The following TBX19 variants were observed in gnomAD, a reference collection of about 807,000 sequenced individuals.
The protein encoded by TBX19 is T-box transcription factor 19.
Under a neutral mutation model 40.9 loss-of-function variants are expected in TBX19, and 33 were observed. The observed-to-expected ratio is 0.81, with a 90% confidence interval of 0.61 to 1.08. The LOEUF (loss-of-function observed/expected upper bound fraction) is 1.08, where lower values mean the gene tolerates loss of function less well. Ranked by LOEUF, TBX19 falls within the 50% of genes least tolerant of loss-of-function variation. TBX19 has a pLI of 0.00. For missense variants in TBX19, 494 were observed against 574.0 expected, an observed-to-expected ratio of 0.86 and a Z score of 1.42; for synonymous variants, 220 against 225.0, an observed-to-expected ratio of 0.98 and a Z score of 0.20.
At chr1:168,304,896 TG>T in intron 5 of TBX19, 111 bp from the exon 6 acceptor site, 1 of 1,083,702 alleles carries the variant, frequency 9.2e-7, no homozygotes, top group South Asian at 1.3e-5. Flanking sequence ...TCACACAGGC[TG>T]GCATCAGTGT....
At position 168,281,244 on chromosome 1, in the gene TBX19, CAG is replaced by C. The variant is rs763818059; in HGVS notation, c.158_159del (p.Arg53IlefsTer6). 3.2e-5 allele frequency: 51 copies of C among 1,614,000 alleles called. No homozygotes were observed. The highest frequency in any genetic ancestry group is 4.2e-5 in the Non-Finnish European group (50 of 1,180,006). On this transcript the variant is annotated frameshift_variant, in exon 1 of 8. Transcript: ENST00000367821. LOFTEE classifies it high-confidence loss of function. The stretch of plus-strand genomic sequence containing the variant: ...CATCCTGGAGGATGCACCTCTCTGG[CAG>C]AGATTCAAGGAAGTCACTAATGAGA... ...QIILEDAPLW[Q>X]RFKEVTNEMI...
rs1346547873 is a variant in TBX19 at position 168,312,731 on chromosome 1, T to C, written c.1076T>C (p.Ile359Thr). The C allele has an allele frequency of 6.2e-7, 1 of 1,613,784 alleles. No individual in the cohort carries two copies. Residue 359 changes from isoleucine to threonine, a missense_variant, in exon 8 of 8, where the codon ATC (isoleucine) becomes ACC (threonine). This residue lies in a region of TBX19 where 284 missense variants were observed against 307.3 expected (regional missense o/e 0.92). Transcript: ENST00000367821. ...AGCCCCTACCCGTGCCTGTGGACCATCAGCAATGGTGCCGGAGGCCCCAGT... is the reference window on the plus strand; with the variant it reads ...AGCCCCTACCCGTGCCTGTGGACCACCAGCAATGGTGCCGGAGGCCCCAGT... ...GPSPYPCLWT[I>T]SNGAGGPSGP...
rs1558196515 is a variant in TBX19, at chr1:168,312,778, G to GCCAGCACC, written c.1128_1135dup (p.Gly379AlafsTer13). ...CAGTGGGCCAGGCCCGGAGGTGCAC[G>GCCAGCACC]CCAGCACCCCAGGAGCATTTCTCCT... On this transcript the variant is annotated frameshift_variant, in exon 8 of 8. Transcript: ENST00000367821. LOFTEE classifies it high-confidence loss of function. 2 of 1,614,208 alleles carry GCCAGCACC rather than the reference G, an allele frequency of 1.2e-6. No homozygotes were observed. Among genetic ancestry groups the GCCAGCACC allele is most frequent in the Non-Finnish European group, 1.7e-6 (2 of 1,180,038 alleles).
rs753523312 is a variant in TBX19, at chr1:168,312,833, C to T, written c.1178C>T (p.Ser393Phe). The change falls in exon 8 of 8, where the codon TCT (serine) becomes TTT (phenylalanine). Residue 393 changes from serine (S) to phenylalanine (F), a missense_variant. Physicochemically the swap from Ser to Phe is radical, Grantham distance 155. This residue lies in a region of TBX19 where 284 missense variants were observed against 307.3 expected (regional missense o/e 0.92). Coordinates refer to ENST00000367821, the MANE Select transcript of TBX19 (RefSeq NM_005149.3). ...AACCCAGCTGTGACTTCACCCCCTT[C>T]TGTGCTCTCCACCCAAGCACCCACT... Reference protein sequence around the residue: ...LGNPAVTSPPSVLSTQAPTSA... With the variant: ...LGNPAVTSPPFVLSTQAPTSA... 3 of 1,614,286 alleles carry T rather than the reference C, an allele frequency of 1.9e-6. No homozygotes were observed. The South Asian group carries it at 3.3e-5, about 18-fold the overall frequency.
Position 168,285,779 on chromosome 1 carries a change from G to GA in TBX19, c.203+4493dup, listed in dbSNP as rs1400247243. Among the ~76,000 whole-genome samples the GA allele has an allele frequency of 3.3e-5, 5 of 152,308 alleles. No homozygotes were observed. The East Asian group carries it at 9.6e-4, about 29-fold the overall frequency. On this transcript the variant is annotated intron_variant, in intron 1 of 7. Coordinates refer to ENST00000367821, the MANE Select transcript of TBX19 (RefSeq NM_005149.3). ...TAGCTACATCTAGGAAAAAAATGGG[G>GA]AAAAAAATCACCTTGATTGGAAGTG...
chr1:168,280,965 AG>A lies in TBX19; in HGVS notation c.-123del. 4 of 873,376 alleles carry A rather than the reference AG, an allele frequency of 4.6e-6. No individual in the cohort carries two copies. The highest frequency in any genetic ancestry group is 7.4e-6 in the Non-Finnish European group (4 of 537,464). 54.1% of individuals were successfully genotyped at this position (873,376 alleles called of 1,614,324 possible). ...CATCCTAGGAGCTTAGGCAAGAGCCAGGGTATCTTCTCTCCGCTCCCCAAGC... is the reference window on the plus strand; with the variant it reads ...CATCCTAGGAGCTTAGGCAAGAGCCAGGTATCTTCTCTCCGCTCCCCAAGC... On this transcript the variant is annotated 5_prime_UTR_variant, in exon 1 of 8. Coordinates refer to ENST00000367821, the MANE Select transcript of TBX19 (RefSeq NM_005149.3).
chr1:168,302,998 C>T (rs1464074164), intron 5 of TBX19, among the ~76,000 whole-genome samples: 1 of 152,100 alleles, frequency 6.6e-6, no homozygotes, highest in East Asian at 1.9e-4. Context: ...CTTTGCATTT[C>T]TATTAACTTC....
intron 6 of TBX19, among the ~76,000 whole-genome samples, chr1:168,307,509 G>A (rs912785204): frequency 2.0e-5 from 3 of 152,148 alleles, no homozygotes; most frequent in African/African-American, 7.2e-5. Flanking sequence ...ACCTCTTAAA[G>A]GCCCCACCTC....
chr1:168,303,706 G>T lies in TBX19; in HGVS notation c.728-1302G>T, dbSNP rs573582704. On this transcript the variant is annotated intron_variant, in intron 5 of 7. Coordinates refer to ENST00000367821, the MANE Select transcript of TBX19 (RefSeq NM_005149.3). ...TTCTTGATTATATGCTATACAGGGGGTGGATTATTCATAAGTTTTTCAGGA... is the reference window on the plus strand; with the variant it reads ...TTCTTGATTATATGCTATACAGGGGTTGGATTATTCATAAGTTTTTCAGGA... Among the ~76,000 whole-genome samples the T allele has an allele frequency of 2.7e-4, 41 of 152,324 alleles. 1 individual carries two copies. Among genetic ancestry groups the T allele is most frequent in the Admixed American group, 2.3e-3 (35 of 15,302 alleles).
At chr1:168,307,140 T>G (rs1194290054) in intron 6 of TBX19, among the ~76,000 whole-genome samples, 1 of 151,278 alleles carries the variant, frequency 6.6e-6, no homozygotes, top group Non-Finnish European at 1.5e-5. Flanking sequence ...TGGGGACAGA[T>G]GGAAGATGTA....
At chr1:168,281,423 G>A (rs1648646514) in intron 1 of TBX19, 130 bp downstream of exon 1, 4 of 846,612 alleles carry the variant, frequency 4.7e-6, no homozygotes, top group Non-Finnish European at 7.8e-6. Flanking sequence ...TTACAGGAAC[G>A]ACTGTCTCCA....
chr1:168,293,869 A>G (rs1265065275), intron 3 of TBX19, among the ~76,000 whole-genome samples: 1 of 152,136 alleles, frequency 6.6e-6, no homozygotes, highest in Non-Finnish European at 1.5e-5. Context: ...AATCAGAAGA[A>G]CCCAGGGAGG....
chr1:168,291,211 C>A lies in TBX19; in HGVS notation c.255C>A (p.Ala85=), dbSNP rs766249181. The A allele has an allele frequency of 2.5e-6, 4 of 1,614,138 alleles. No homozygotes were observed. In the African/African-American group the frequency reaches 5.3e-5, roughly 22 times the overall value. ...GTGTCACAGGGTTGGACCCCAATGC[C>A]ATGTACTCCCTCCTGCTGGACTTTG... ...KISVTGLDPN[A]MYSLLLDFVP... Residue 85 remains alanine (A), a synonymous_variant, in exon 2 of 8, where the codon GCC becomes GCA. Transcript: ENST00000367821.
intron 2 of TBX19, among the ~76,000 whole-genome samples, chr1:168,292,869 A>C (rs1419310805): frequency 1.3e-5 from 2 of 149,174 alleles, no homozygotes; most frequent in African/African-American, 4.9e-5. Flanking sequence ...GTCTCAAAAA[A>C]AAAAAAAAAA....
chr1:168,310,941 AAAT>A (rs1158783374), intron 7 of TBX19, among the ~76,000 whole-genome samples: 3 of 149,618 alleles, frequency 2.0e-5, no homozygotes, highest in Middle Eastern at 3.6e-3. Flanking sequence ...ATGCATGTTG[AAAT>A]AATATTTTGA....
At position 168,305,152 on chromosome 1, in the gene TBX19, C is replaced by A; in HGVS notation, c.872C>A (p.Ala291Asp). Residue 291 changes from alanine to aspartate, a missense_variant, in exon 6 of 8, where the codon GCT becomes GAT. This residue lies in a region of TBX19 where 284 missense variants were observed against 307.3 expected (regional missense o/e 0.92). Coordinates refer to ENST00000367821, the MANE Select transcript of TBX19 (RefSeq NM_005149.3). ...TCGGGTCTCCGAGGACACCGGCAGG[C>A]TCCCTACCCTTCTGCGTACATGCAC... ...HYSGLRGHRQ[A>D]PYPSAYMHRN... 1.2e-6 allele frequency: 2 copies of A among 1,613,728 alleles called. No homozygotes were observed. Among genetic ancestry groups the A allele is most frequent in the South Asian group, 2.2e-5 (2 of 91,078 alleles).
At chr1:168,283,913 G>A (rs376901243) in intron 1 of TBX19, among the ~76,000 whole-genome samples, 7 of 152,164 alleles carry the variant, frequency 4.6e-5, no homozygotes, top group African/African-American at 1.4e-4. Flanking sequence ...AAGATGGGCC[G>A]ATGAAAGAGT....
intron 5 of TBX19, 104 bp from the exon 6 acceptor site, chr1:168,304,904 G>A: frequency 8.5e-7 from 1 of 1,173,546 alleles, no homozygotes; most frequent in South Asian, 1.2e-5. Flanking sequence ...GCTGGCATCA[G>A]TGTCATTTAC....
intron 5 of TBX19, among the ~76,000 whole-genome samples, chr1:168,303,921 A>G (rs1336352593): frequency 1.3e-5 from 2 of 152,126 alleles, no homozygotes; most frequent in Non-Finnish European, 2.9e-5. Context: ...TTTCATTGCC[A>G]TCTTGGTTTT....
Sources: gnomAD v4.1 joint callset for allele counts (sites outside exome capture counted in the v4.1 genomes callset) on GRCh38, gnomAD v4.1.1 for gene constraint, gnomAD v4.1.1 regional missense constraint, MANE v1.5 for transcripts, NCBI Gene and HGNC (gene_info 2026-07-23, HGNC 2026-07-21) for gene names.